Variants in PLD1 observed in about 807,000 individuals in gnomAD.
The protein encoded by PLD1 is choline phosphatase 1.
A neutral mutation model predicts 137.1 loss-of-function variants in PLD1; 112 were observed. The ratio of observed to expected loss-of-function variants is 0.82; its 90% confidence interval spans 0.70 to 0.96. PLD1 has a LOEUF of 0.96. Ranked by LOEUF, PLD1 falls within the 40% of genes least tolerant of loss-of-function variation. The probability of loss-of-function intolerance (pLI) is 0.00; values close to 1 mark genes in which losing one functional copy is unlikely to be tolerated. For missense variants in PLD1, 1,321 were observed against 1,342.0 expected (o/e 0.98, Z 0.24); for synonymous variants, 431 against 454.7 (o/e 0.95, Z 0.66).
At chr3:171,664,328 AC>A (rs1198401892) in intron 19 of PLD1, among the ~76,000 whole-genome samples, 1 of 152,240 alleles carries the variant, frequency 6.6e-6, no homozygotes, top group Admixed American at 6.5e-5. Flanking sequence ...TAATTTTGTT[AC>A]TAAGGAACAT....
intron 25 of PLD1, among the ~76,000 whole-genome samples, chr3:171,608,182 A>G (rs1344939038): frequency 1.3e-5 from 2 of 152,208 alleles, no homozygotes; most frequent in Non-Finnish European, 2.9e-5. Context: ...AAGTTAGCAT[A>G]AGATCAGCAT....
chr3:171,664,081 TA>T lies in PLD1; in HGVS notation c.2230-1912del, dbSNP rs368286427. Among the ~76,000 whole-genome samples the T allele has an allele frequency of 5.5e-4, 83 of 152,224 alleles. 1 individual carries two copies. In the East Asian group the frequency reaches 0.014, roughly 25 times the overall value. The stretch of plus-strand genomic sequence containing the variant: ...TACAAAATATCGCCAATCAAAGCAT[TA>T]AAAAAATTATCAGATGAATATGTGC... On this transcript the variant is annotated intron_variant, in intron 19 of 26. Transcript: ENST00000351298.
chr3:171,612,503 C>A lies in PLD1; in HGVS notation c.2729-71G>T. 7.1e-7 allele frequency: 1 copy of A among 1,416,634 alleles called. No individual in the cohort carries two copies. The highest frequency in any genetic ancestry group is 9.9e-7 in the Non-Finnish European group (1 of 1,008,466). 87.8% of individuals were successfully genotyped at this position (1,416,634 alleles called of 1,614,324 possible). On this transcript the variant is annotated intron_variant, in intron 24 of 26. Coordinates refer to ENST00000351298, the MANE Select transcript of PLD1 (RefSeq NM_002662.5). This position sits in a 1 kb window ranked among gnomAD's most constrained non-coding sequence, Gnocchi z 4.1. ...GACACTGTTGGTTGCCCTCCCAACTCAATTCATCCTTGCAAACAAAACCGT... is the reference window on the plus strand; with the variant it reads ...GACACTGTTGGTTGCCCTCCCAACTAAATTCATCCTTGCAAACAAAACCGT...
chr3:171,701,502 C>T (rs1163192032), intron 11 of PLD1, among the ~76,000 whole-genome samples: 2 of 152,188 alleles, frequency 1.3e-5, no homozygotes, highest in Non-Finnish European at 2.9e-5. Context: ...TCATACTCTG[C>T]AATTAAGTAT....
chr3:171,663,491 G>A (rs549065850), intron 19 of PLD1, among the ~76,000 whole-genome samples: 41 of 152,296 alleles, frequency 2.7e-4, no homozygotes, highest in African/African-American at 9.6e-4. Flanking sequence ...GTAGCAGGAG[G>A]CCTGGTATCT....
intron 12 of PLD1, among the ~76,000 whole-genome samples, chr3:171,694,484 A>AT (rs1428395415): frequency 6.6e-6 from 1 of 150,992 alleles, no homozygotes; most frequent in Non-Finnish European, 1.5e-5. Flanking sequence ...ATATTATTTT[A>AT]TTTTTCTCCT....
At chr3:171,751,727 G>A (rs1578412616) in intron 1 of PLD1, among the ~76,000 whole-genome samples, 1 of 152,186 alleles carries the variant, frequency 6.6e-6, no homozygotes, top group African/African-American at 2.4e-5. Flanking sequence ...ATGGCCAAGC[G>A]CGGTGGCTCA....
intron 8 of PLD1, among the ~76,000 whole-genome samples, chr3:171,714,321 C>A (rs1490984205): frequency 1.3e-5 from 2 of 152,098 alleles, no homozygotes; most frequent in African/African-American, 4.8e-5. Context: ...AGGAATGTCC[C>A]TAATATTGGC....
chr3:171,780,107 T>G (rs1007102586), intron 1 of PLD1, among the ~76,000 whole-genome samples: 2 of 138,960 alleles, frequency 1.4e-5, no homozygotes, highest in African/African-American at 6.9e-5. Flanking sequence ...TATACATAAG[T>G]CTGAGATTCA....
At chr3:171,738,652 G>A (rs770760957) in intron 1 of PLD1, among the ~76,000 whole-genome samples, 7 of 152,082 alleles carry the variant, frequency 4.6e-5, no homozygotes, top group African/African-American at 9.7e-5. Context: ...ATGACTTTAC[G>A]TGAGGTATAA....
At chr3:171,749,352 C>T (rs962884430) in intron 1 of PLD1, among the ~76,000 whole-genome samples, 19 of 152,124 alleles carry the variant, frequency 1.2e-4, no homozygotes, top group Non-Finnish European at 2.9e-5. Flanking sequence ...GGAAGTGACA[C>T]TCTTACAAAA....
At chr3:171,772,007 T>C (rs971757326) in intron 1 of PLD1, among the ~76,000 whole-genome samples, 7 of 152,232 alleles carry the variant, frequency 4.6e-5, no homozygotes, top group African/African-American at 1.7e-4. Flanking sequence ...AGCTGCCTTT[T>C]AAAATGGAAC....
At chr3:171,751,873 G>C (rs988964495) in intron 1 of PLD1, among the ~76,000 whole-genome samples, 2 of 152,028 alleles carry the variant, frequency 1.3e-5, no homozygotes, top group African/African-American at 4.8e-5. Context: ...GGTGATGGGC[G>C]CCTGTAGTGC....
intron 19 of PLD1, among the ~76,000 whole-genome samples, chr3:171,671,425 T>C (rs1712735291): frequency 6.6e-6 from 1 of 152,214 alleles, no homozygotes; most frequent in African/African-American, 2.4e-5. Context: ...TTTCAGTTAG[T>C]TCCTAGTCGT....
intron 1 of PLD1, among the ~76,000 whole-genome samples, chr3:171,766,511 T>C (rs1434818938): frequency 6.6e-6 from 1 of 152,158 alleles, no homozygotes; most frequent in African/African-American, 2.4e-5. Flanking sequence ...GATGGAGAGA[T>C]AGTTTAATAT....
rs1578359404 is a variant in PLD1 at position 171,724,659 on chromosome 3, T to G, written c.758+37A>C. On this transcript the variant is annotated intron_variant, in intron 8 of 26. Coordinates refer to ENST00000351298, the MANE Select transcript of PLD1 (RefSeq NM_002662.5). ...AAACTAGCCCAAATACCCAGTGTAT[T>G]AAAACAAACAAATACACAAAACTCA... 8 of 1,261,726 alleles carry G rather than the reference T, an allele frequency of 6.3e-6. No individual in the cohort carries two copies. In the African/African-American group the frequency reaches 8.8e-5, roughly 14 times the overall value. 78.2% of individuals were successfully genotyped at this position (1,261,726 alleles called of 1,614,324 possible).
Position 171,662,154 on chromosome 3 carries a change from G to T in PLD1, c.2246C>A (p.Ala749Asp). The T allele has an allele frequency of 1.9e-6, 3 of 1,611,224 alleles. No homozygotes were observed. The highest frequency in any genetic ancestry group is 1.1e-5 in the South Asian group (1 of 90,992). ...HANVQLLRSA[A>D]DWSAGIKYHE... ...GTACTTTATACCAGCAGACCAATCA[G>T]CAGCAGAGCGGAGCAACTACAAGGC... Residue 749 changes from alanine to aspartate, a missense_variant, in exon 20 of 27, where the codon GCT becomes GAT. Ala to Asp is a moderately radical substitution (Grantham distance 126). Transcript: ENST00000351298.
intron 12 of PLD1, among the ~76,000 whole-genome samples, chr3:171,695,742 C>T (rs1715632720): frequency 6.7e-6 from 1 of 149,336 alleles, no homozygotes; most frequent in Non-Finnish European, 1.5e-5. Flanking sequence ...TAGCCCACCC[C>T]ACCCCCCCAA....
At chr3:171,614,747 C>T (rs1041730217) in intron 24 of PLD1, among the ~76,000 whole-genome samples, 10 of 152,210 alleles carry the variant, frequency 6.6e-5, no homozygotes, top group Non-Finnish European at 1.5e-5. Flanking sequence ...CAGGCGGGGG[C>T]TGCTGGATTG....
Sources: gnomAD v4.1 joint callset for allele counts (sites outside exome capture counted in the v4.1 genomes callset) on GRCh38, gnomAD v4.1.1 for gene constraint, Gnocchi (gnomAD v3.1) non-coding constraint, MANE v1.5 for transcripts, NCBI Gene and HGNC (gene_info 2026-07-23, HGNC 2026-07-21) for gene names.